ABCB9: variants seen among roughly 807,000 people sequenced by gnomAD.
ABCB9 encodes the protein ATP binding cassette subfamily B member 9, also known as ABC-type oligopeptide transporter ABCB9.
Under a neutral mutation model 62.0 loss-of-function variants are expected in ABCB9, and 36 were observed. That is an observed-to-expected ratio of 0.58 (90% confidence interval 0.45 to 0.77). The LOEUF is 0.77. Ranked by LOEUF, ABCB9 falls within the 30% of genes least tolerant of loss-of-function variation. The probability of loss-of-function intolerance (pLI) is 0.00; values close to 1 mark genes in which losing one functional copy is unlikely to be tolerated. For missense variants in ABCB9, 943 were observed against 1,054.7 expected (o/e 0.89, Z 1.47); for synonymous variants, 435 against 461.4 (o/e 0.94, Z 0.73).
In ABCB9 at chr12:122,959,613, T is replaced by C. The variant is rs1313706206; in HGVS notation, c.601+22A>G. The C allele has an allele frequency of 6.6e-7, 1 of 1,520,188 alleles. No homozygotes were observed. The highest frequency in any genetic ancestry group is 2.3e-5 in the East Asian group (1 of 43,790). 94.2% of individuals were successfully genotyped at this position (1,520,188 alleles called of 1,614,324 possible). On this transcript the variant is annotated intron_variant, in intron 2 of 11. Transcript: ENST00000280560. The surrounding 1 kb of genome is among the most constrained non-coding windows in gnomAD (Gnocchi z 5.4). ...CTAATTTGATGTTCTGGTGGCCACATGTCCCCGAGGTCCTTACTTACCCAG... is the reference window on the plus strand; with the variant it reads ...CTAATTTGATGTTCTGGTGGCCACACGTCCCCGAGGTCCTTACTTACCCAG...
At chr12:122,924,011 G>A (rs1232585299), downstream of ABCB9, among the ~76,000 whole-genome samples, 1 of 152,200 alleles carries the variant, frequency 6.6e-6, no homozygotes, top group Non-Finnish European at 1.5e-5. Context: ...TCACCCTGAA[G>A]TCATCACCAG....
downstream of ABCB9, among the ~76,000 whole-genome samples, chr12:122,925,484 C>T (rs1431333273): frequency 6.6e-6 from 1 of 152,156 alleles, no homozygotes; most frequent in Non-Finnish European, 1.5e-5. Context: ...CGCGGTGGCT[C>T]ATGCCTGTAA....
chr12:122,925,061 T>C (rs1280920825), downstream of ABCB9, among the ~76,000 whole-genome samples: 2 of 152,030 alleles, frequency 1.3e-5, no homozygotes, highest in Non-Finnish European at 2.9e-5. Context: ...AGACCACAGG[T>C]GTGTGCCACC....
rs1566197968 is a variant in ABCB9, at chr12:122,962,676, G to T, written c.-87-2354C>A. 3.9e-5 allele frequency among the ~76,000 whole-genome samples: 6 copies of T among 152,332 alleles called. No homozygotes were observed. In the East Asian group the frequency reaches 9.6e-4, roughly 24 times the overall value. On this transcript the variant is annotated intron_variant, in intron 1 of 11. Transcript: ENST00000280560. The stretch of plus-strand genomic sequence containing the variant: ...GACCCCAGCATCTGCCTCTCCACCT[G>T]TCTACTGCATGCCTGGCACAAAGCA...
chr12:122,946,067 C>T lies in ABCB9; in HGVS notation c.1209G>A (p.Arg403=). ...RKLQQVYKLN[R]KEAAAYMYYV... is the part of the protein sequence containing the mutation. ...AGTACATGTAGGCAGCTGCCTCCTT[C>T]CTGTTCAGCTTGTACACCTGCTGCA... The change falls in exon 6 of 12, where the codon AGG becomes AGA. Residue 403 remains arginine, a synonymous_variant. Coordinates refer to ENST00000280560, the MANE Select transcript of ABCB9 (RefSeq NM_019625.4). The T allele has an allele frequency of 6.2e-7, 1 of 1,613,974 alleles. No homozygotes were observed. The highest frequency in any genetic ancestry group is 1.1e-5 in the South Asian group (1 of 91,078).
rs2036542093 is a variant in ABCB9 at position 122,954,766 on chromosome 12, T to C, written c.602-4201A>G. ...CCTCAGCCTTCCAAAGTGCTGGGATTATAGGTGTGAGCTGCTGCACTTGGC... is the reference window on the plus strand; with the variant it reads ...CCTCAGCCTTCCAAAGTGCTGGGATCATAGGTGTGAGCTGCTGCACTTGGC... On this transcript the variant is annotated intron_variant, in intron 2 of 11. Transcript: ENST00000280560. Among the ~76,000 whole-genome samples, 2 of 152,240 alleles carry C rather than the reference T, an allele frequency of 1.3e-5. 1 individual carries two copies. The highest frequency in any genetic ancestry group is 4.8e-5 in the African/African-American group (2 of 41,462).
chr12:122,960,976 G>A (rs1312085279), intron 1 of ABCB9, among the ~76,000 whole-genome samples: 1 of 151,764 alleles, frequency 6.6e-6, no homozygotes, highest in Non-Finnish European at 1.5e-5. Flanking sequence ...TGGGAGGATC[G>A]CTTCTTCAGC....
At chr12:122,968,636 C>CTTT (rs541028634), upstream of ABCB9, among the ~76,000 whole-genome samples, 11 of 88,824 alleles carry the variant, frequency 1.2e-4, no homozygotes, top group Admixed American at 2.5e-4. Flanking sequence ...TCCTCTGTAC[C>CTTT]TTTTTTTTTT....
intron 10 of ABCB9, among the ~76,000 whole-genome samples, chr12:122,933,684 G>A (rs73230017): frequency 0.066 from 10,080 of 151,686 alleles, 394 homozygotes; most frequent in East Asian, 0.18. Context: ...TTAATTACTA[G>A]AACTACTTAA....
At chr12:122,972,276 G>C (rs972999701) in intron 1 of ABCB9, among the ~76,000 whole-genome samples, 1 of 152,302 alleles carries the variant, frequency 6.6e-6, no homozygotes, top group East Asian at 1.9e-4. Flanking sequence ...GCCTCCCAAA[G>C]TGCTAGGATT....
chr12:122,927,663 G>A (rs370051286), downstream of ABCB9, among the ~76,000 whole-genome samples: 5 of 152,302 alleles, frequency 3.3e-5, no homozygotes, highest in East Asian at 9.7e-4. Flanking sequence ...GAAGAGACAG[G>A]CAGATGGGAG....
At position 122,940,405 on chromosome 12, in the gene ABCB9, G is replaced by A; in HGVS notation, c.1570-121C>T. The A allele has an allele frequency of 8.7e-7, 1 of 1,155,448 alleles. No homozygotes were observed. The highest frequency in any genetic ancestry group is 1.6e-5 in the South Asian group (1 of 61,402). The allele number at this position is 1,155,448 out of a possible 1,614,324, so 71.6% of individuals were successfully genotyped here. On this transcript the variant is annotated intron_variant, in intron 8 of 11. Coordinates refer to ENST00000280560, the MANE Select transcript of ABCB9 (RefSeq NM_019625.4). This position sits in a 1 kb window ranked among gnomAD's most constrained non-coding sequence, Gnocchi z 4.8. ...CACCCCATGTGCCTCTCCCTCGCTT[G>A]GGCACTGCTGGCCCCTAAACGTTCT... is the stretch of plus-strand genomic sequence containing the variant.
chr12:122,958,277 T>C (rs768415209), intron 2 of ABCB9, among the ~76,000 whole-genome samples: 23 of 150,410 alleles, frequency 1.5e-4, no homozygotes, highest in Non-Finnish European at 2.5e-4. Context: ...AGCCGCACAA[T>C]GGAATATTAT....
intron 11 of ABCB9, chr12:122,921,168 A>G (rs556948413): frequency 1.1e-6 from 1 of 923,298 alleles, no homozygotes; most frequent in Non-Finnish European, 1.7e-6. Flanking sequence ...TAATCCCAGC[A>G]CTTTGGGAGG....
chr12:122,947,444 A>C lies in ABCB9; in HGVS notation c.1053+1180T>G. The C allele has an allele frequency of 2.2e-6, 1 of 451,152 alleles. No homozygotes were observed. The highest frequency in any genetic ancestry group is 2.0e-5 in the African/African-American group (1 of 50,022). 27.9% of individuals were successfully genotyped at this position (451,152 alleles called of 1,614,324 possible). On this transcript the variant is annotated intron_variant, in intron 5 of 11. Coordinates refer to ENST00000280560, the MANE Select transcript of ABCB9 (RefSeq NM_019625.4). The surrounding 1 kb of genome is among the most constrained non-coding windows in gnomAD (Gnocchi z 6.0). ...CCCTGGTCTCAGGTCACCAACACCA[A>C]AGGCTCCAATGGAGCTGCGACAATG...
chr12:122,966,004 G>A (rs2037151142), intron 1 of ABCB9, among the ~76,000 whole-genome samples: 1 of 152,214 alleles, frequency 6.6e-6, no homozygotes, highest in African/African-American at 2.4e-5. Flanking sequence ...AGCCATCCCA[G>A]GATCCTCCAA....
At chr12:122,919,927 G>C (rs2135726033), downstream of ABCB9, among the ~76,000 whole-genome samples, 1 of 135,180 alleles carries the variant, frequency 7.4e-6, no homozygotes, top group Admixed American at 7.1e-5. Flanking sequence ...ATTTATTTTA[G>C]ATGGAGTCTC....
rs533857800 is a variant in ABCB9, at chr12:122,922,622, G to A, written c.2041-1579C>T. Among the ~76,000 whole-genome samples, 30 of 152,288 alleles carry A rather than the reference G, an allele frequency of 2.0e-4. No individual in the cohort carries two copies. In the East Asian group the frequency reaches 4.8e-3, roughly 24 times the overall value. Reference sequence around the variant, plus strand: ...TCGAACTCCTGGCCTCAAGTGTTCCGCTCACCTTGGCCTCCCAAAGTGCTG... The same window carrying A: ...TCGAACTCCTGGCCTCAAGTGTTCCACTCACCTTGGCCTCCCAAAGTGCTG... On this transcript the variant is annotated intron_variant, in intron 11 of 11. Coordinates refer to the ABCB9 transcript ENST00000344275.
At position 122,932,095 on chromosome 12, in the gene ABCB9, G is replaced by T; in HGVS notation, c.2040+97C>A. 1 of 1,540,544 alleles carries T rather than the reference G, an allele frequency of 6.5e-7. No homozygotes were observed. Among genetic ancestry groups the T allele is most frequent in the Non-Finnish European group, 8.8e-7 (1 of 1,142,786 alleles). Reference sequence around the variant, plus strand: ...GCTGATAGTCTGGGAGAGCTCCTGGGGCCCGTCTCTTCTCAGCATCCATCT... The same window carrying T: ...GCTGATAGTCTGGGAGAGCTCCTGGTGCCCGTCTCTTCTCAGCATCCATCT... On this transcript the variant is annotated intron_variant, in intron 11 of 11. Transcript: ENST00000280560. This position sits in a 1 kb window ranked among gnomAD's most constrained non-coding sequence, Gnocchi z 4.7.
Sources: allele counts gnomAD v4.1 joint callset (sites outside exome capture counted in the v4.1 genomes callset), GRCh38; gene constraint gnomAD v4.1.1; non-coding constraint Gnocchi (gnomAD v3.1); transcripts MANE v1.5; gene names NCBI Gene and HGNC (gene_info 2026-07-23, HGNC 2026-07-21).